FSHR: variants seen among roughly 807,000 people sequenced by gnomAD.
The protein encoded by FSHR is follicle-stimulating hormone receptor.
In FSHR, 46 loss-of-function variants were observed where a neutral mutation model predicts 52.1. The ratio of observed to expected loss-of-function variants is 0.88; its 90% CI spans 0.70 to 1.13. FSHR has a LOEUF of 1.13. FSHR is among the 50% of genes most tolerant of loss of function. The probability of loss-of-function intolerance (pLI) is 0.00; values close to 1 mark genes in which losing one functional copy is unlikely to be tolerated. For synonymous variants in FSHR, 399 were observed against 309.6 expected (o/e 1.29, Z -3.03); for missense variants, 964 against 834.6 (o/e 1.16, Z -1.91).
intron 8 of FSHR, among the ~76,000 whole-genome samples, chr2:48,980,181 C>T (rs1043140913): frequency 5.3e-5 from 8 of 152,264 alleles, no homozygotes; most frequent in African/African-American, 1.7e-4. Flanking sequence ...AGAGGAAATT[C>T]GCAATTATAG....
At chr2:48,973,273 C>T (rs1179484821) in intron 8 of FSHR, among the ~76,000 whole-genome samples, 1 of 152,042 alleles carries the variant, frequency 6.6e-6, no homozygotes, top group African/African-American at 2.4e-5. Context: ...CACACACATG[C>T]ACATGCAAAT....
chr2:49,054,851 C>G (rs1669000508), intron 2 of FSHR, among the ~76,000 whole-genome samples: 1 of 152,050 alleles, frequency 6.6e-6, no homozygotes, highest in Non-Finnish European at 1.5e-5. Flanking sequence ...AAGCACCTCA[C>G]CAAAACAACA....
chr2:48,977,040 G>A (rs531518251), intron 8 of FSHR, among the ~76,000 whole-genome samples: 1 of 151,920 alleles, frequency 6.6e-6, no homozygotes, highest in Non-Finnish European at 1.5e-5. Context: ...ACCATGGCAC[G>A]TGTACACCTA....
In FSHR at chr2:48,963,528, G is replaced by A. The variant is rs1461826795; in HGVS notation, c.1293C>T (p.Asn431=). The change falls in exon 10 of 10, where the codon AAC becomes AAT. Residue 431 remains asparagine, a synonymous_variant. Transcript: ENST00000406846. ...VDIHTKSQYH[N]YAIDWQTGAG... ...CCCCAGTTTGCCAGTCAATGGCATA[G>A]TTGTGATATTGGCTCTTGGTATGGA... 3 of 1,614,226 alleles carry A rather than the reference G, an allele frequency of 1.9e-6. No individual in the cohort carries two copies. The highest frequency in any genetic ancestry group is 4.5e-5 in the East Asian group (2 of 44,878).
intron 4 of FSHR, among the ~76,000 whole-genome samples, chr2:49,000,634 C>T (rs1041514482): frequency 2.6e-5 from 4 of 152,046 alleles, no homozygotes; most frequent in East Asian, 1.9e-4. Context: ...GAGTTAAATT[C>T]GGGGAAAGAC....
intron 1 of FSHR, among the ~76,000 whole-genome samples, chr2:49,153,036 C>T (rs1006075315): frequency 5.3e-5 from 8 of 152,228 alleles, no homozygotes; most frequent in Admixed American, 2.0e-4. Flanking sequence ...CAGTTATTTT[C>T]CCTGCCTCTG....
chr2:48,963,917 C>T lies in FSHR; in HGVS notation c.904G>A (p.Asp302Asn), dbSNP rs1219347849. ...CNKSILRQEV[D>N]YMTQARGQRS... Reference sequence around the variant, plus strand: ...TGACCCCTAGCCTGAGTCATATAATCAACTTCTTGCCTTAAAATAGATTTG... The same window carrying T: ...TGACCCCTAGCCTGAGTCATATAATTAACTTCTTGCCTTAAAATAGATTTG... Residue 302 changes from aspartate (D) to asparagine (N), a missense_variant, in exon 10 of 10, where the codon GAT becomes AAT. By Grantham distance (23) the Asp-to-Asn change is conservative. Transcript: ENST00000406846. 6.2e-7 allele frequency: 1 copy of T among 1,613,870 alleles called. No homozygotes were observed. Among genetic ancestry groups the T allele is most frequent in the South Asian group, 1.1e-5 (1 of 91,030 alleles).
chr2:49,096,533 G>C (rs189673417), intron 1 of FSHR, among the ~76,000 whole-genome samples: 1 of 152,192 alleles, frequency 6.6e-6, no homozygotes, highest in Non-Finnish European at 1.5e-5. Flanking sequence ...TTAGATAATA[G>C]AGATGGTTGC....
At chr2:49,103,783 G>T (rs1352597228) in intron 1 of FSHR, among the ~76,000 whole-genome samples, 2 of 152,134 alleles carry the variant, frequency 1.3e-5, no homozygotes, top group Admixed American at 6.5e-5. Context: ...GATGTTCAGG[G>T]ATAAGAAAGA....
intron 9 of FSHR, among the ~76,000 whole-genome samples, chr2:48,968,060 C>A (rs186420913): frequency 4.6e-5 from 7 of 152,316 alleles, no homozygotes; most frequent in African/African-American, 1.4e-4. Flanking sequence ...TTTCCAGATC[C>A]TGTCTATGAT....
intron 1 of FSHR, among the ~76,000 whole-genome samples, chr2:49,069,397 C>T (rs983240782): frequency 6.6e-5 from 10 of 152,232 alleles, no homozygotes; most frequent in South Asian, 2.1e-4. Flanking sequence ...GTGAAGCTTT[C>T]GCTAACCATC....
rs141614706 is a variant in FSHR, at chr2:49,111,633, G to A, written c.152+42633C>T. 7.0e-4 allele frequency among the ~76,000 whole-genome samples: 106 copies of A among 152,216 alleles called. No homozygotes were observed. In the East Asian group the frequency reaches 0.014, roughly 19 times the overall value. On this transcript the variant is annotated intron_variant, in intron 1 of 9. Coordinates refer to ENST00000406846, the MANE Select transcript of FSHR (RefSeq NM_000145.4). ...AAGGAGCCGTTGTTGCCTGGACGGC[G>A]GGTTTATTGATTGAGATCATATATG...
intron 1 of FSHR, among the ~76,000 whole-genome samples, chr2:49,115,784 T>C (rs1671576418): frequency 6.6e-6 from 1 of 152,162 alleles, no homozygotes; most frequent in Non-Finnish European, 1.5e-5. Context: ...CCAGTTATAG[T>C]GCAAAGTGCT....
At position 48,985,697 on chromosome 2, in the gene FSHR, G is replaced by GTTTTTTTTTTTTTTTTTTTTTTTTTTTTT. The variant is rs70946839; in HGVS notation, c.525-2532_525-2531insAAAAAAAAAAAAAAAAAAAAAAAAAAAAA. Among the ~76,000 whole-genome samples the GTTTTTTTTTTTTTTTTTTTTTTTTTTTTT allele has an allele frequency of 7.0e-5, 7 of 99,540 alleles. 3 individuals are homozygous for GTTTTTTTTTTTTTTTTTTTTTTTTTTTTT. Among genetic ancestry groups the GTTTTTTTTTTTTTTTTTTTTTTTTTTTTT allele is most frequent in the African/African-American group, 2.1e-4 (5 of 23,878 alleles). The allele number at this position is 99,540 out of a possible 152,430, so 65.3% of individuals were successfully genotyped here. A position where few individuals can be genotyped will look rare whatever the true frequency, so the allele number is the denominator to read the frequency against. The stretch of plus-strand genomic sequence containing the variant: ...TTCAGTTTCAGGGGAGCAAGTACAG[G>GTTTTTTTTTTTTTTTTTTTTTTTTTTTTT]TTTTTTTTTTTTTTTTTTTTTTTTT... On this transcript the variant is annotated intron_variant, in intron 6 of 9. Transcript: ENST00000406846.
intron 1 of FSHR, among the ~76,000 whole-genome samples, chr2:49,078,318 C>G (rs1670029614): frequency 1.3e-5 from 2 of 152,158 alleles, no homozygotes. Flanking sequence ...TATTCACTAT[C>G]ATGAGAACAG....
At chr2:49,076,081 C>T (rs1221978667) in intron 1 of FSHR, among the ~76,000 whole-genome samples, 1 of 152,126 alleles carries the variant, frequency 6.6e-6, no homozygotes, top group Non-Finnish European at 1.5e-5. Context: ...CAGCTGTCCC[C>T]TAAAAAAATA....
intron 2 of FSHR, among the ~76,000 whole-genome samples, chr2:49,067,835 A>G (rs973196121): frequency 2.0e-5 from 3 of 152,098 alleles, no homozygotes; most frequent in Non-Finnish European, 4.4e-5. Context: ...GAATCTCTAC[A>G]GCATAGATGT....
intron 6 of FSHR, among the ~76,000 whole-genome samples, 200 bp downstream of exon 6, chr2:48,988,777 C>T (rs1469575378): frequency 6.6e-6 from 1 of 152,124 alleles, no homozygotes; most frequent in Admixed American, 6.5e-5. Context: ...GAATCACACC[C>T]CAGAATCATA....
rs1668874632 is a variant in FSHR at position 49,051,933 on chromosome 2, T to C, written c.224+16286A>G. Among the ~76,000 whole-genome samples the C allele has an allele frequency of 3.3e-5, 5 of 152,268 alleles. 1 individual carries two copies. The South Asian group carries it at 1.0e-3, about 32-fold the overall frequency. On this transcript the variant is annotated intron_variant, in intron 2 of 9. Transcript: ENST00000406846. ...TGGATACAAAGTTGATTCAGCATCATTTGTGGAAAAAAACTATTCTTTCCG... is the reference window on the plus strand; with the variant it reads ...TGGATACAAAGTTGATTCAGCATCACTTGTGGAAAAAAACTATTCTTTCCG...
Sources: allele counts gnomAD v4.1 joint callset (sites outside exome capture counted in the v4.1 genomes callset), GRCh38; gene constraint gnomAD v4.1.1; transcripts MANE v1.5; gene names NCBI Gene and HGNC (gene_info 2026-07-23, HGNC 2026-07-21).